The following ASAH2 variants were observed in gnomAD, a reference collection of about 807,000 sequenced individuals.
The protein encoded by ASAH2 is neutral ceramidase.
In ASAH2, 58 loss-of-function variants were observed where a neutral mutation model predicts 82.9. That is an observed-to-expected ratio of 0.70 (90% CI 0.57 to 0.87). The LOEUF is 0.87. ASAH2 is among the 40% of genes least tolerant of loss of function. The probability of loss-of-function intolerance (pLI) is 0.00; values close to 1 mark genes in which losing one functional copy is unlikely to be tolerated. For synonymous variants in ASAH2, 276 were observed against 289.7 expected, an observed-to-expected ratio of 0.95 and a Z score of 0.48; for missense variants, 779 against 834.0, an observed-to-expected ratio of 0.93 and a Z score of 0.81.
intron 4 of ASAH2, among the ~76,000 whole-genome samples, chr10:50,237,159 G>A (rs1353129585): frequency 6.6e-6 from 1 of 152,120 alleles, no homozygotes; most frequent in Admixed American, 6.6e-5. Flanking sequence ...AACTGCAAAG[G>A]TTTTAAGCTA....
In ASAH2 at chr10:50,224,376, AAT is replaced by A. The variant is rs1315041975; in HGVS notation, c.894-5748_894-5747del. Reference sequence around the variant, plus strand: ...AGATACAAAGCTCTGAGCATAAATAAATATATATATATACAAATATATATATG... The same window carrying A: ...AGATACAAAGCTCTGAGCATAAATAAATATATATATACAAATATATATATG... On this transcript the variant is annotated intron_variant, in intron 7 of 20. Transcript: ENST00000682911. 3.3e-5 allele frequency among the ~76,000 whole-genome samples: 5 copies of A among 151,648 alleles called. No homozygotes were observed. In the East Asian group the frequency reaches 5.8e-4, roughly 18 times the overall value.
chr10:50,218,291 A>G (rs1486228206), intron 8 of ASAH2, among the ~76,000 whole-genome samples: 2 of 152,358 alleles, frequency 1.3e-5, no homozygotes, highest in African/African-American at 4.8e-5. Flanking sequence ...AGCAATGAAT[A>G]TAAGGACTAT....
intron 9 of ASAH2, among the ~76,000 whole-genome samples, chr10:50,213,605 A>C (rs1845519270): frequency 1.3e-5 from 2 of 152,152 alleles, no homozygotes; most frequent in Non-Finnish European, 2.9e-5. Flanking sequence ...AATATGGATA[A>C]ACATATTTTG....
chr10:50,223,151 A>G (rs573576593), intron 7 of ASAH2, among the ~76,000 whole-genome samples: 41 of 152,368 alleles, frequency 2.7e-4, no homozygotes, highest in African/African-American at 9.4e-4. Context: ...CTGAAAAATA[A>G]TAGATTTCAA....
intron 7 of ASAH2, among the ~76,000 whole-genome samples, chr10:50,225,096 T>A (rs1418686973): frequency 6.6e-6 from 1 of 152,170 alleles, no homozygotes; most frequent in Non-Finnish European, 1.5e-5. Context: ...AAAAAGACCT[T>A]CTAAATAACA....
chr10:50,217,234 T>TC (rs1371162208), intron 8 of ASAH2, among the ~76,000 whole-genome samples: 1 of 150,382 alleles, frequency 6.6e-6, no homozygotes, highest in Admixed American at 6.6e-5. Flanking sequence ...TCTTTCTTTT[T>TC]TTTTTTTTTT....
chr10:50,206,238 T>C, intron 12 of ASAH2, 141 bp from the exon 13 acceptor site: 3 of 721,410 alleles, frequency 4.2e-6, no homozygotes, highest in Middle Eastern at 2.9e-4. Flanking sequence ...TCCAAACAGT[T>C]TGAGTAATAG....
At chr10:50,209,727 C>T (rs1294495189) in intron 12 of ASAH2, among the ~76,000 whole-genome samples, 3 of 151,988 alleles carry the variant, frequency 2.0e-5, no homozygotes, top group African/African-American at 7.2e-5. Flanking sequence ...AAGGAGAAAA[C>T]TACGTAAATG....
At position 50,185,900 on chromosome 10, in the gene ASAH2, C is replaced by T. The variant is rs1844733873; in HGVS notation, c.*1415G>A. ...GATTTTTTTCCCTAAAATGCTAAAGCTTTTACATACATACAAAAGTATGAC... is the reference window on the plus strand; with the variant it reads ...GATTTTTTTCCCTAAAATGCTAAAGTTTTTACATACATACAAAAGTATGAC... On this transcript the variant is annotated 3_prime_UTR_variant, in exon 21 of 21. Transcript: ENST00000682911. 1 of 145,270 alleles carries T rather than the reference C, an allele frequency of 6.9e-6. No individual in the cohort carries two copies. The highest frequency in any genetic ancestry group is 1.5e-5 in the Non-Finnish European group (1 of 66,628). 9.0% of individuals were successfully genotyped at this position (145,270 alleles called of 1,614,324 possible). A position where few individuals can be genotyped will look rare whatever the true frequency, so the allele number is the denominator to read the frequency against.
chr10:50,240,812 T>C (rs1734221096), intron 4 of ASAH2, among the ~76,000 whole-genome samples: 1 of 152,240 alleles, frequency 6.6e-6, no homozygotes, highest in Admixed American at 6.5e-5. Context: ...GTTTTCCTAA[T>C]TTGCATTCCT....
intron 8 of ASAH2, among the ~76,000 whole-genome samples, chr10:50,217,444 G>A (rs1042373027): frequency 1.2e-4 from 19 of 152,146 alleles, no homozygotes; most frequent in African/African-American, 4.3e-4. Flanking sequence ...GGCCAGGCTG[G>A]TCTCGAACTC....
intron 12 of ASAH2, among the ~76,000 whole-genome samples, chr10:50,206,628 G>T (rs1845306508): frequency 6.7e-6 from 1 of 149,996 alleles, no homozygotes; most frequent in Non-Finnish European, 1.5e-5. Flanking sequence ...TGGGGTAAAA[G>T]GTTTTGTAAC....
chr10:50,244,504 T>C (rs1057179287), intron 3 of ASAH2, among the ~76,000 whole-genome samples: 1 of 152,152 alleles, frequency 6.6e-6, no homozygotes, highest in African/African-American at 2.4e-5. Flanking sequence ...AAAGATTACT[T>C]GGAGGGAGGG....
intron 4 of ASAH2, among the ~76,000 whole-genome samples, chr10:50,236,947 A>G (rs1846176731): frequency 6.6e-6 from 1 of 152,180 alleles, no homozygotes; most frequent in African/African-American, 2.4e-5. Context: ...ACAGTAAGCA[A>G]GCAAATAAAT....
intron 7 of ASAH2, among the ~76,000 whole-genome samples, chr10:50,220,511 T>C (rs1845713856): frequency 6.7e-6 from 1 of 149,690 alleles, no homozygotes; most frequent in African/African-American, 2.5e-5. Flanking sequence ...CATTTGTTAC[T>C]CTTAGCAAAC....
intron 16 of ASAH2, among the ~76,000 whole-genome samples, chr10:50,202,174 C>A (rs1222086154): frequency 6.6e-6 from 1 of 151,980 alleles, no homozygotes. Flanking sequence ...GAATATTTAC[C>A]AAGGGGTAGA....
At chr10:50,208,466 A>G (rs1037903664) in intron 12 of ASAH2, among the ~76,000 whole-genome samples, 13 of 152,090 alleles carry the variant, frequency 8.5e-5, no homozygotes, top group Admixed American at 8.5e-4. Context: ...AGGTTGTAGG[A>G]TATAAGGTCA....
intron 8 of ASAH2, among the ~76,000 whole-genome samples, chr10:50,217,016 G>A (rs1437529183): frequency 6.6e-6 from 1 of 152,122 alleles, no homozygotes; most frequent in Non-Finnish European, 1.5e-5. Context: ...GCATTGCTGA[G>A]AGCTGTAGCC....
intron 17 of ASAH2, among the ~76,000 whole-genome samples, chr10:50,197,356 C>T (rs1480073732): frequency 6.6e-6 from 1 of 151,042 alleles, no homozygotes; most frequent in Non-Finnish European, 1.5e-5. Context: ...CTTGTCTGTG[C>T]TAATAAAAGA....
Sources: allele counts gnomAD v4.1 joint callset (sites outside exome capture counted in the v4.1 genomes callset), GRCh38; gene constraint gnomAD v4.1.1; transcripts MANE v1.5; gene names NCBI Gene and HGNC (gene_info 2026-07-23, HGNC 2026-07-21).